SGPP1: variants seen among roughly 807,000 people sequenced by gnomAD.
The protein encoded by SGPP1 is sphingosine-1-phosphate phosphatase 1, also known as hSPP1.
A neutral mutation model predicts 33.0 loss-of-function variants in SGPP1; 21 were observed. That is an observed-to-expected ratio of 0.64 (90% CI 0.45 to 0.92). The LOEUF is 0.92. Among genes scored for constraint, SGPP1 ranks in the 40% least tolerant of loss-of-function variants. The probability of loss-of-function intolerance (pLI) is 0.00; values close to 1 mark genes in which losing one functional copy is unlikely to be tolerated. For synonymous variants in SGPP1, 239 were observed against 241.2 expected (o/e 0.99, Z 0.08); for missense variants, 543 against 589.4 (o/e 0.92, Z 0.81).
In SGPP1 at chr14:63,685,754, AAC is replaced by A. The variant is rs1214317650; in HGVS notation, c.*349_*350del. On this transcript the variant is annotated 3_prime_UTR_variant, in exon 3 of 3. Coordinates refer to ENST00000247225, the MANE Select transcript of SGPP1 (RefSeq NM_030791.4). ...ATAATACACTCCCATAGTTTAAAAA[AAC>A]ACTTAGGTATATTATTTTATATATA... is the stretch of plus-strand genomic sequence containing the variant. 3 of 149,718 alleles carry A rather than the reference AAC, an allele frequency of 2.0e-5. No individual in the cohort carries two copies. Among genetic ancestry groups the A allele is most frequent in the Admixed American group, 1.3e-4 (2 of 14,936 alleles). The allele number at this position is 149,718 out of a possible 1,614,324, so 9.3% of individuals were successfully genotyped here.
chr14:63,710,521 TAGAC>T (rs1885501938), intron 1 of SGPP1, among the ~76,000 whole-genome samples: 1 of 152,234 alleles, frequency 6.6e-6, no homozygotes. Flanking sequence ...ATTAAAAGGA[TAGAC>T]AGCGTCTCAC....
At chr14:63,719,062 C>T (rs1484377057) in intron 1 of SGPP1, among the ~76,000 whole-genome samples, 4 of 100,308 alleles carry the variant, frequency 4.0e-5, no homozygotes, top group Non-Finnish European at 5.5e-5. Context: ...AGTTTAGCTC[C>T]TGTCATCCAA....
chr14:63,706,660 G>A lies in SGPP1; in HGVS notation c.685-8002C>T, dbSNP rs892182424. On this transcript the variant is annotated intron_variant, in intron 1 of 2. Coordinates refer to ENST00000247225, the MANE Select transcript of SGPP1 (RefSeq NM_030791.4). ...ATATTCATGAAAACATGTGTCAAAC[G>A]CCATAGTATCATTCAGTTCCTGGCC... Among the ~76,000 whole-genome samples the A allele has an allele frequency of 5.9e-5, 9 of 152,038 alleles. No individual in the cohort carries two copies. The South Asian group carries it at 1.4e-3, about 24-fold the overall frequency.
At chr14:63,710,628 G>T (rs369623018) in intron 1 of SGPP1, among the ~76,000 whole-genome samples, 1 of 152,090 alleles carries the variant, frequency 6.6e-6, no homozygotes, top group Non-Finnish European at 1.5e-5. Flanking sequence ...CTATATTTCC[G>T]CTTCATTTTT....
chr14:63,711,623 A>T (rs528543314), intron 1 of SGPP1, among the ~76,000 whole-genome samples: 1 of 152,220 alleles, frequency 6.6e-6, no homozygotes, highest in South Asian at 2.1e-4. Context: ...ATTGGATAAG[A>T]CCTACTCACA....
intron 1 of SGPP1, among the ~76,000 whole-genome samples, chr14:63,700,239 C>A (rs992268727): frequency 3.9e-5 from 6 of 152,050 alleles, no homozygotes; most frequent in African/African-American, 1.4e-4. Context: ...ACTAGGCATG[C>A]TGAAGACCTA....
chr14:63,697,164 C>T (rs1055837188), intron 2 of SGPP1, among the ~76,000 whole-genome samples: 1 of 151,930 alleles, frequency 6.6e-6, no homozygotes, highest in Non-Finnish European at 1.5e-5. Flanking sequence ...CTTATGTACC[C>T]CTTGAATCTA....
chr14:63,723,358 T>C (rs1330104915), intron 1 of SGPP1, among the ~76,000 whole-genome samples: 1 of 152,178 alleles, frequency 6.6e-6, no homozygotes, highest in Non-Finnish European at 1.5e-5. Flanking sequence ...AAAATTTATA[T>C]ACAAAACTCT....
At chr14:63,723,658 G>A (rs570609983) in intron 1 of SGPP1, among the ~76,000 whole-genome samples, 98 of 151,740 alleles carry the variant, frequency 6.5e-4, no homozygotes, top group African/African-American at 2.2e-3. Flanking sequence ...GGCAGAGTTT[G>A]CAGTGAGACA....
chr14:63,708,314 T>C (rs950497085), intron 1 of SGPP1, among the ~76,000 whole-genome samples: 4 of 141,542 alleles, frequency 2.8e-5, no homozygotes, highest in African/African-American at 1.1e-4. Context: ...TGGAGTGCAA[T>C]GCCCCATCTC....
At chr14:63,692,652 A>G (rs915989450) in intron 2 of SGPP1, among the ~76,000 whole-genome samples, 5 of 151,832 alleles carry the variant, frequency 3.3e-5, no homozygotes, top group Non-Finnish European at 2.9e-5. Context: ...GGCTTTCCCT[A>G]TGTTGCTCAG....
chr14:63,697,261 G>A (rs1885205639), intron 2 of SGPP1, among the ~76,000 whole-genome samples: 1 of 152,128 alleles, frequency 6.6e-6, no homozygotes, highest in Non-Finnish European at 1.5e-5. Context: ...AATAGTGTTT[G>A]GGACTTCTGG....
intron 2 of SGPP1, among the ~76,000 whole-genome samples, 173 bp from the exon 3 acceptor site, chr14:63,686,829 TTAA>T (rs1170565437): frequency 1.2e-4 from 19 of 152,188 alleles, no homozygotes; most frequent in Non-Finnish European, 1.9e-4. Flanking sequence ...AAAAGCTGTA[TTAA>T]TAATAAAAGG....
chr14:63,721,517 G>A (rs375559458), intron 1 of SGPP1, among the ~76,000 whole-genome samples: 4 of 151,660 alleles, frequency 2.6e-5, no homozygotes, highest in African/African-American at 7.3e-5. Flanking sequence ...CACAAGTATC[G>A]TGCTCCATAA....
rs372059271 is a variant in SGPP1, at chr14:63,686,186, A to G, written c.1245T>C (p.Tyr415=). 121 of 1,613,940 alleles carry G rather than the reference A, an allele frequency of 7.5e-5. No homozygotes were observed. Among genetic ancestry groups the G allele is most frequent in the Non-Finnish European group, 9.9e-5 (117 of 1,179,914 alleles). The change falls in exon 3 of 3, where the codon TAT becomes TAC. Residue 415 remains tyrosine, a synonymous_variant. Transcript: ENST00000247225. ...CAACCATTCCATAGGTAATATACCG[A>G]TAAGGAAGTTCAACTTCCATGTGCT... is the stretch of plus-strand genomic sequence containing the variant. ...ARQHMEVELP[Y]RYITYGMVGF...
chr14:63,691,659 G>A (rs1224369228), intron 2 of SGPP1, among the ~76,000 whole-genome samples: 1 of 152,238 alleles, frequency 6.6e-6, no homozygotes, highest in East Asian at 1.9e-4. Context: ...AAATACTGAT[G>A]CCTGGGACAA....
intron 1 of SGPP1, among the ~76,000 whole-genome samples, chr14:63,723,821 G>A (rs1163272298): frequency 6.6e-6 from 1 of 151,970 alleles, no homozygotes; most frequent in African/African-American, 2.4e-5. Flanking sequence ...CAGAATCTCT[G>A]GGAAACTTAC....
chr14:63,703,634 G>A (rs1459550538), intron 1 of SGPP1, among the ~76,000 whole-genome samples: 11 of 138,264 alleles, frequency 8.0e-5, no homozygotes, highest in South Asian at 2.3e-4. Flanking sequence ...GCCTGGCAAC[G>A]GAGCAAGAGA....
intron 1 of SGPP1, among the ~76,000 whole-genome samples, chr14:63,716,659 C>G (rs1233128379): frequency 6.6e-6 from 1 of 151,816 alleles, no homozygotes; most frequent in East Asian, 1.9e-4. Flanking sequence ...ACAATTGCAC[C>G]CCAGCCTGGG....
Sources: gnomAD v4.1 joint callset for allele counts (sites outside exome capture counted in the v4.1 genomes callset) on GRCh38, gnomAD v4.1.1 for gene constraint, MANE v1.5 for transcripts, NCBI Gene and HGNC (gene_info 2026-07-23, HGNC 2026-07-21) for gene names.